The following TENM1 variants were observed in gnomAD, a reference collection of about 807,000 sequenced individuals.
TENM1 encodes the protein teneurin-1.
Under a neutral mutation model 174.8 loss-of-function variants are expected in TENM1, and 35 were observed. That is an observed-to-expected ratio of 0.20 (90% CI 0.15 to 0.27). TENM1 has a LOEUF of 0.27. TENM1 is among the 10% of genes least tolerant of loss of function. The pLI, the probability that TENM1 is intolerant of heterozygous loss-of-function variation, is 1.00. For missense variants in TENM1, 1,633 were observed against 2,130.1 expected (o/e 0.77, Z 4.59); for synonymous variants, 781 against 798.7 (o/e 0.98, Z 0.37).
intron 3 of TENM1, among the ~76,000 whole-genome samples, chrX:124,824,126 C>T (rs1259123126): frequency 1.8e-5 from 2 of 111,277 alleles, no homozygotes; most frequent in Non-Finnish European, 3.8e-5. Context: ...TTTAACTGCA[C>T]AAAATGTTAG....
intron 27 of TENM1, 48 bp from the exon 31 acceptor site, chrX:124,392,396 C>T (rs750158286): frequency 4.6e-5 from 44 of 951,803 alleles, no homozygotes; most frequent in Non-Finnish European, 6.3e-5. Context: ...CCTTGTTCCC[C>T]TCATTAGAGC....
intron 11 of TENM1, among the ~76,000 whole-genome samples, chrX:124,587,739 A>G (rs2049579618): frequency 9.0e-6 from 1 of 111,659 alleles, no homozygotes; most frequent in South Asian, 3.7e-4. Flanking sequence ...AACTACCATC[A>G]GAGTGAACAG....
chrX:125,116,180 G>C, the TENM1 span, among the ~76,000 whole-genome samples: 1 of 112,145 alleles, frequency 8.9e-6, no homozygotes, highest in Non-Finnish European at 1.9e-5. Flanking sequence ...AAATTGGCTA[G>C]CCATAGGCAG....
the TENM1 span, among the ~76,000 whole-genome samples, chrX:125,182,463 G>GT: frequency 1.0e-4 from 7 of 70,256 alleles, no homozygotes; most frequent in African/African-American, 3.3e-4. Context: ...CGGGGGGGGG[G>GT]GCATTTTTCC....
chrX:124,922,991 T>C (rs1347747910), intron 1 of TENM1, among the ~76,000 whole-genome samples: 1 of 111,782 alleles, frequency 8.9e-6, no homozygotes, highest in East Asian at 2.8e-4. Context: ...TCCAGGGGCA[T>C]AAAATACAAA....
chrX:124,418,478 C>T (rs2060617551), intron 25 of TENM1, among the ~76,000 whole-genome samples: 1 of 110,993 alleles, frequency 9.0e-6, no homozygotes, highest in Admixed American at 9.6e-5. Context: ...ACCTCTTCTG[C>T]TCCACCCACT....
At chrX:124,693,837 T>C (rs1163231773) in intron 5 of TENM1, among the ~76,000 whole-genome samples, 2 of 111,227 alleles carry the variant, frequency 1.8e-5, no homozygotes, top group Non-Finnish European at 3.8e-5. Context: ...GTTGTCTCCC[T>C]TTTATGTTCA....
At chrX:125,126,761 A>G in the TENM1 span, among the ~76,000 whole-genome samples, 3 of 111,399 alleles carry the variant, frequency 2.7e-5, no homozygotes, top group Non-Finnish European at 3.8e-5. Flanking sequence ...AAGTCCCAGA[A>G]GTAGAAATGC....
At chrX:124,461,741 A>G (rs1420196132) in intron 22 of TENM1, among the ~76,000 whole-genome samples, 1 of 111,347 alleles carries the variant, frequency 9.0e-6, no homozygotes, top group East Asian at 2.8e-4. Flanking sequence ...GTAAGGGAGG[A>G]TGAAGAGAGG....
chrX:124,425,198 A>C (rs186732891), intron 23 of TENM1, among the ~76,000 whole-genome samples: 7 of 112,347 alleles, frequency 6.2e-5, no homozygotes, highest in African/African-American at 1.9e-4. Context: ...TAGTGCAGCT[A>C]TCTCTTTGAC....
chrX:124,745,644 G>T (rs946143650), intron 3 of TENM1, among the ~76,000 whole-genome samples: 9 of 110,722 alleles, frequency 8.1e-5, no homozygotes, highest in Admixed American at 3.9e-4. Flanking sequence ...GTACAACTCT[G>T]ATCTTATAAG....
intron 11 of TENM1, among the ~76,000 whole-genome samples, chrX:124,569,752 A>G (rs1303126667): frequency 8.9e-6 from 1 of 111,893 alleles, no homozygotes; most frequent in Non-Finnish European, 1.9e-5. Context: ...GTACAGAAAA[A>G]TTTATAAGGT....
At chrX:124,712,604 C>T (rs1245992312) in intron 4 of TENM1, among the ~76,000 whole-genome samples, 2 of 110,633 alleles carry the variant, frequency 1.8e-5, no homozygotes, top group African/African-American at 6.6e-5. Flanking sequence ...GCTTCAGACT[C>T]CTGAGTAGCT....
intron 14 of TENM1, among the ~76,000 whole-genome samples, chrX:124,556,670 C>A (rs1026416957): frequency 4.5e-5 from 5 of 110,391 alleles, no homozygotes; most frequent in African/African-American, 1.6e-4. Context: ...GTTTCCTAAT[C>A]TTAAAAAATC....
chrX:124,751,972 A>T (rs1344784671), intron 3 of TENM1, among the ~76,000 whole-genome samples: 2 of 110,785 alleles, frequency 1.8e-5, no homozygotes, highest in Non-Finnish European at 3.8e-5. Flanking sequence ...GTGTCTTTAT[A>T]GCGGCATGAT....
chrX:124,712,634 A>C (rs192435176), intron 4 of TENM1, among the ~76,000 whole-genome samples: 2 of 110,445 alleles, frequency 1.8e-5, no homozygotes, highest in African/African-American at 6.6e-5. Context: ...GGCGCTTGCC[A>C]CCATGCCCAG....
At chrX:124,507,668 C>T (rs1232945047) in intron 18 of TENM1, among the ~76,000 whole-genome samples, 3 of 111,832 alleles carry the variant, frequency 2.7e-5, no homozygotes, top group Non-Finnish European at 5.6e-5. Context: ...CTGAGGGTCA[C>T]GGCGTCCCTG....
intron 27 of TENM1, 74 bp downstream of exon 30, chrX:124,404,952 TAAACA>T: frequency 1.1e-6 from 1 of 878,019 alleles, no homozygotes; most frequent in Non-Finnish European, 1.6e-6. Flanking sequence ...GCTCTGCAGT[TAAACA>T]AACAAACAAA....
chrX:124,950,280 AC>A (rs745909838), intron 1 of TENM1, among the ~76,000 whole-genome samples: 5 of 111,909 alleles, frequency 4.5e-5, no homozygotes, highest in Non-Finnish European at 7.5e-5. Flanking sequence ...ATACATCAAA[AC>A]AAAAACAATC....
Sources: allele counts gnomAD v4.1 joint callset (sites outside exome capture counted in the v4.1 genomes callset), GRCh38; gene constraint gnomAD v4.1.1; transcripts MANE v1.5; gene names NCBI Gene and HGNC (gene_info 2026-07-23, HGNC 2026-07-21).